Variants in AGAP1 observed in about 807,000 individuals in gnomAD.
AGAP1 encodes arf-GAP with GTPase, ANK repeat and PH domain-containing protein 1.
AGAP1 carries 29 observed loss-of-function variants against 105.3 expected under a neutral mutation model. The ratio of observed to expected loss-of-function variants is 0.28; its 90% CI spans 0.21 to 0.38. AGAP1 has a LOEUF of 0.38. Among genes scored for constraint, AGAP1 ranks in the 10% least tolerant of loss-of-function variants. The pLI is 1.00. For synonymous variants in AGAP1, 509 were observed against 485.9 expected (o/e 1.05, Z -0.63); for missense variants, 998 against 1,165.1 (o/e 0.86, Z 2.09).
chr2:235,958,706 T>C lies in AGAP1; in HGVS notation c.1484-9756T>C, dbSNP rs1036954954. Among the ~76,000 whole-genome samples, 1 of 152,114 alleles carries C rather than the reference T, an allele frequency of 6.6e-6. No homozygotes were observed. Among genetic ancestry groups the C allele is most frequent in the African/African-American group, 2.4e-5 (1 of 41,428 alleles). On this transcript the variant is annotated intron_variant, in intron 12 of 17. Coordinates refer to ENST00000304032, the MANE Select transcript of AGAP1 (RefSeq NM_001037131.3). This position sits in a 1 kb window ranked among gnomAD's most constrained non-coding sequence, Gnocchi z 4.1. ...GAGCTGAAACTAAATGATTGTAAAA[T>C]AAGTTATGAGTGTCCTTGGGCCTGT...
At chr2:235,861,496 C>T (rs1245618104) in intron 9 of AGAP1, among the ~76,000 whole-genome samples, 1 of 152,224 alleles carries the variant, frequency 6.6e-6, no homozygotes, top group Non-Finnish European at 1.5e-5. Flanking sequence ...TAAGTTGGAA[C>T]AGAGAAGGCT....
intron 1 of AGAP1, among the ~76,000 whole-genome samples, chr2:235,673,474 C>T (rs1382278101): frequency 1.3e-5 from 2 of 152,120 alleles, no homozygotes; most frequent in African/African-American, 4.8e-5. Context: ...TTATATAGAA[C>T]GCTGCTTGTG....
chr2:235,648,542 C>G (rs1442124993), intron 1 of AGAP1, among the ~76,000 whole-genome samples: 3 of 152,080 alleles, frequency 2.0e-5, no homozygotes, highest in East Asian at 1.9e-4. Context: ...ACTGTACATT[C>G]AGCCACAGCT....
intron 1 of AGAP1, among the ~76,000 whole-genome samples, chr2:235,591,307 C>T (rs959768823): frequency 9.2e-5 from 14 of 152,202 alleles, no homozygotes; most frequent in African/African-American, 2.9e-4. Flanking sequence ...TGAGCCACTG[C>T]GCCCAGCCCT....
chr2:235,682,423 G>A (rs1180046608), intron 1 of AGAP1, among the ~76,000 whole-genome samples: 1 of 151,758 alleles, frequency 6.6e-6, no homozygotes, highest in Non-Finnish European at 1.5e-5. Flanking sequence ...GCTCACTGCA[G>A]CCTCTGCCTC....
In AGAP1 at chr2:236,101,751, C is replaced by A. The variant is rs552923455; in HGVS notation, c.2115-18441C>A. ...ATGGCGGCTGCACCAGCAGAGCCGC[C>A]GTGGGCTTCATGCCACGTTACGCGG... is the stretch of plus-strand genomic sequence containing the variant. On this transcript the variant is annotated intron_variant, in intron 16 of 17. Coordinates refer to ENST00000304032, the MANE Select transcript of AGAP1 (RefSeq NM_001037131.3). The surrounding 1 kb of genome is among the most constrained non-coding windows in gnomAD (Gnocchi z 4.9). Among the ~76,000 whole-genome samples the A allele has an allele frequency of 6.6e-6, 1 of 152,228 alleles. No homozygotes were observed. The highest frequency in any genetic ancestry group is 1.5e-5 in the Non-Finnish European group (1 of 68,050).
At chr2:235,990,372 A>G (rs980798230) in intron 13 of AGAP1, among the ~76,000 whole-genome samples, 6 of 152,168 alleles carry the variant, frequency 3.9e-5, no homozygotes, top group Non-Finnish European at 7.4e-5. Context: ...GAATGGGTGC[A>G]GCTAGGAAGG....
chr2:235,536,807 G>A (rs926113191), intron 1 of AGAP1, among the ~76,000 whole-genome samples: 3 of 152,196 alleles, frequency 2.0e-5, no homozygotes, highest in African/African-American at 7.2e-5. Context: ...TTCTTCACGC[G>A]TCAGTGTTTT....
intron 9 of AGAP1, among the ~76,000 whole-genome samples, chr2:235,827,082 C>T (rs530231419): frequency 1.1e-4 from 16 of 152,280 alleles, no homozygotes; most frequent in South Asian, 2.1e-4. Context: ...GCGGCTTGTG[C>T]GTCTCCCCAG....
At chr2:235,818,323 C>T (rs917171773) in intron 9 of AGAP1, among the ~76,000 whole-genome samples, 6 of 152,182 alleles carry the variant, frequency 3.9e-5, no homozygotes, top group Admixed American at 3.3e-4. Flanking sequence ...TATAGCTCCA[C>T]GTGAGTGGAA....
At chr2:236,079,677 A>G (rs2058732630) in intron 16 of AGAP1, among the ~76,000 whole-genome samples, 1 of 152,146 alleles carries the variant, frequency 6.6e-6, no homozygotes, top group Non-Finnish European at 1.5e-5. Flanking sequence ...TTGCAGGGTC[A>G]AGGCAAGCCT....
At chr2:235,575,686 G>A (rs935487150) in intron 1 of AGAP1, among the ~76,000 whole-genome samples, 26 of 152,252 alleles carry the variant, frequency 1.7e-4, no homozygotes, top group Admixed American at 1.4e-3. Context: ...GCTGCCGTAG[G>A]GAAAGGTGTG....
chr2:236,047,282 C>T lies in AGAP1; in HGVS notation c.1892-1777C>T, dbSNP rs190707648. Among the ~76,000 whole-genome samples, 183 of 152,112 alleles carry T rather than the reference C, an allele frequency of 1.2e-3. 2 individuals are homozygous for T. Among genetic ancestry groups the T allele is most frequent in the African/African-American group, 4.2e-3 (173 of 41,508 alleles). ...GGTAGAGGCCTGGTTGTCAGTGATC[C>T]GGAGGTGCAGAAGCAGAGGGAGCCA... is the stretch of plus-strand genomic sequence containing the variant. On this transcript the variant is annotated intron_variant, in intron 15 of 17. Coordinates refer to ENST00000304032, the MANE Select transcript of AGAP1 (RefSeq NM_001037131.3).
rs1295502604 is a variant in AGAP1, at chr2:236,000,826, T to C, written c.1645+32203T>C. ...GCAAGAAGGAGCCCCACTTGTGCTGTTCTGTAAGGAGGGTCTTCCAGGCAC... is the reference window on the plus strand; with the variant it reads ...GCAAGAAGGAGCCCCACTTGTGCTGCTCTGTAAGGAGGGTCTTCCAGGCAC... On this transcript the variant is annotated intron_variant, in intron 13 of 17. Coordinates refer to ENST00000304032, the MANE Select transcript of AGAP1 (RefSeq NM_001037131.3). This position sits in a 1 kb window ranked among gnomAD's most constrained non-coding sequence, Gnocchi z 4.3. Among the ~76,000 whole-genome samples, 1 of 152,078 alleles carries C rather than the reference T, an allele frequency of 6.6e-6. No homozygotes were observed. The highest frequency in any genetic ancestry group is 1.5e-5 in the Non-Finnish European group (1 of 67,996).
chr2:236,091,763 C>T (rs1024254928), intron 16 of AGAP1, among the ~76,000 whole-genome samples: 3 of 152,158 alleles, frequency 2.0e-5, no homozygotes, highest in African/African-American at 7.2e-5. Context: ...CAGAGCAAGG[C>T]TCTGCATAAA....
Position 235,793,122 on chromosome 2 carries a change from A to G in AGAP1, c.674-4637A>G, listed in dbSNP as rs552464864. On this transcript the variant is annotated intron_variant, in intron 6 of 17. Coordinates refer to ENST00000304032, the MANE Select transcript of AGAP1 (RefSeq NM_001037131.3). This position sits in a 1 kb window ranked among gnomAD's most constrained non-coding sequence, Gnocchi z 5.3. ...TGACGAGGAACGCCACATGCTGCTC[A>G]GAGGTCCAGGAAGGTGCGACCTAGC... is the stretch of plus-strand genomic sequence containing the variant. 7.9e-5 allele frequency among the ~76,000 whole-genome samples: 12 copies of G among 152,172 alleles called. No individual in the cohort carries two copies. The highest frequency in any genetic ancestry group is 1.5e-4 in the Non-Finnish European group (10 of 68,042).
At chr2:235,773,756 G>T in intron 6 of AGAP1, 1 of 367,252 alleles carries the variant, frequency 2.7e-6, no homozygotes. Flanking sequence ...TTCCTGAGAT[G>T]GGGGCTGGTT....
intron 16 of AGAP1, among the ~76,000 whole-genome samples, chr2:236,099,733 A>G (rs2059299093): frequency 6.6e-6 from 1 of 151,898 alleles, no homozygotes; most frequent in South Asian, 2.1e-4. Flanking sequence ...TTTGAGGCCC[A>G]TTTCAATTTT....
rs1234557242 is a variant in AGAP1, at chr2:235,891,527, A to T, written c.1155+8078A>T. Among the ~76,000 whole-genome samples, 1 of 152,168 alleles carries T rather than the reference A, an allele frequency of 6.6e-6. No individual in the cohort carries two copies. The highest frequency in any genetic ancestry group is 1.5e-5 in the Non-Finnish European group (1 of 68,028). On this transcript the variant is annotated intron_variant, in intron 10 of 17. Coordinates refer to ENST00000304032, the MANE Select transcript of AGAP1 (RefSeq NM_001037131.3). The surrounding 1 kb of genome is among the most constrained non-coding windows in gnomAD (Gnocchi z 4.2). ...AGGGAGCACCTTGATAGAAAAATGG[A>T]GGCATAATGAGAAAGAACTTGGACC...
Sources: gnomAD v4.1 joint callset for allele counts (sites outside exome capture counted in the v4.1 genomes callset) on GRCh38, gnomAD v4.1.1 for gene constraint, Gnocchi (gnomAD v3.1) non-coding constraint, MANE v1.5 for transcripts, NCBI Gene and HGNC (gene_info 2026-07-23, HGNC 2026-07-21) for gene names.